Variants in CELF4 observed in about 807,000 individuals in gnomAD.
The protein encoded by CELF4 is CUG-BP- and ETR-3-like factor 4.
CELF4 carries 18 observed loss-of-function variants against 59.9 expected under a neutral mutation model. The ratio of observed to expected loss-of-function variants is 0.30; its 90% CI spans 0.21 to 0.45. CELF4 has a LOEUF of 0.45. CELF4 is among the 20% of genes least tolerant of loss of function. The pLI is 1.00. For missense variants in CELF4, 456 were observed against 689.0 expected (o/e 0.66, Z 3.79); for synonymous variants, 261 against 267.1 (o/e 0.98, Z 0.22).
At chr18:37,413,623 G>GA (rs2099495454) in intron 2 of CELF4, among the ~76,000 whole-genome samples, 1 of 152,158 alleles carries the variant, frequency 6.6e-6, no homozygotes, top group Non-Finnish European at 1.5e-5. Context: ...ACCAGTTATG[G>GA]AAAAAATCTC....
In CELF4 at chr18:37,455,782, G is replaced by T. The variant is rs550144097; in HGVS notation, c.369+29743C>A. ...AATGACTGATCATATACCCGCAGCT[G>T]GGACAGGCCGAGGTTTGGGCCCCCG... is the stretch of plus-strand genomic sequence containing the variant. On this transcript the variant is annotated intron_variant, in intron 2 of 12. Transcript: ENST00000420428. Among the ~76,000 whole-genome samples the T allele has an allele frequency of 3.3e-5, 5 of 152,300 alleles. No homozygotes were observed. The South Asian group carries it at 1.0e-3, about 32-fold the overall frequency.
chr18:37,483,295 C>A (rs1283880531), intron 2 of CELF4, among the ~76,000 whole-genome samples: 7 of 152,190 alleles, frequency 4.6e-5, no homozygotes, highest in African/African-American at 7.2e-5. Flanking sequence ...TGTCTGCATG[C>A]AGGTTTGTGT....
At chr18:37,331,491 G>C (rs117159677) in intron 2 of CELF4, among the ~76,000 whole-genome samples, 1 of 152,146 alleles carries the variant, frequency 6.6e-6, no homozygotes, top group East Asian at 1.9e-4. Flanking sequence ...ATGATATGGC[G>C]GGGATTCAGG....
chr18:37,538,973 C>T (rs754098028), intron 1 of CELF4, among the ~76,000 whole-genome samples: 6 of 152,164 alleles, frequency 3.9e-5, no homozygotes, highest in Non-Finnish European at 7.3e-5. Context: ...GTGGGGACCC[C>T]TGCTGCTCCC....
intron 3 of CELF4, among the ~76,000 whole-genome samples, chr18:37,316,079 A>T (rs555632562): frequency 7.9e-5 from 12 of 152,228 alleles, no homozygotes; most frequent in Admixed American, 2.6e-4. Context: ...ACACCCATGG[A>T]GACTCCATTT....
intron 3 of CELF4, among the ~76,000 whole-genome samples, chr18:37,283,949 TATACCCCTACATAC>T (rs1557103651): frequency 2.9e-3 from 4 of 1,382 alleles, no homozygotes; most frequent in Non-Finnish European, 5.0e-3. Context: ...GCACCACGCA[TATACCCCTACATAC>T]ATAGACACAC....
chr18:37,496,060 C>T (rs1187743809), intron 1 of CELF4, among the ~76,000 whole-genome samples: 1 of 151,896 alleles, frequency 6.6e-6, no homozygotes, highest in African/African-American at 2.4e-5. Flanking sequence ...CTTATTCCCT[C>T]CTCATGTCTG....
chr18:37,408,339 G>C (rs1019545255), intron 2 of CELF4, among the ~76,000 whole-genome samples: 2 of 152,116 alleles, frequency 1.3e-5, no homozygotes, highest in African/African-American at 4.8e-5. Flanking sequence ...CTTTCTCTTA[G>C]GAAGACCCTG....
chr18:37,365,769 A>T (rs1395561284), intron 2 of CELF4, among the ~76,000 whole-genome samples: 1 of 152,080 alleles, frequency 6.6e-6, no homozygotes, highest in Non-Finnish European at 1.5e-5. Context: ...TACAGGTGTG[A>T]ACCACCGCAC....
intron 1 of CELF4, among the ~76,000 whole-genome samples, chr18:37,506,912 A>G (rs1786777): frequency 0.89 from 135,357 of 152,228 alleles, 60,575 homozygotes; most frequent in East Asian, 0.96. Flanking sequence ...CGGGAGCTGG[A>G]AGGGGGTCAG....
At chr18:37,345,181 G>A (rs374191333) in intron 2 of CELF4, among the ~76,000 whole-genome samples, 7 of 152,178 alleles carry the variant, frequency 4.6e-5, no homozygotes, top group African/African-American at 1.4e-4. Flanking sequence ...TTAAAGGATC[G>A]TTAGGTTAGG....
At chr18:37,422,594 G>C (rs1411248396) in intron 2 of CELF4, among the ~76,000 whole-genome samples, 1 of 152,204 alleles carries the variant, frequency 6.6e-6, no homozygotes, top group Non-Finnish European at 1.5e-5. Flanking sequence ...TGTGTGTTAA[G>C]CATGTGGGAG....
At chr18:37,544,643 G>A (rs545398609) in intron 1 of CELF4, among the ~76,000 whole-genome samples, 10 of 152,332 alleles carry the variant, frequency 6.6e-5, no homozygotes, top group South Asian at 2.1e-4. Context: ...GTGTAGCTAC[G>A]TGAGGATGAG....
chr18:37,503,482 C>T (rs2154603974), intron 1 of CELF4, among the ~76,000 whole-genome samples: 1 of 152,288 alleles, frequency 6.6e-6, no homozygotes, highest in Admixed American at 6.5e-5. Context: ...CTACTTCCTC[C>T]CTCAGAAGAG....
chr18:37,394,154 C>G (rs2099207675), intron 2 of CELF4, among the ~76,000 whole-genome samples: 1 of 152,112 alleles, frequency 6.6e-6, no homozygotes, highest in Non-Finnish European at 1.5e-5. Flanking sequence ...AGCGGGGTTC[C>G]GGCCTCCATA....
intron 2 of CELF4, among the ~76,000 whole-genome samples, chr18:37,417,331 C>T (rs1287150937): frequency 6.6e-6 from 1 of 152,180 alleles, no homozygotes. Flanking sequence ...CTTCTTCCAG[C>T]CACAGATCCT....
At chr18:37,496,375 G>T (rs577922358) in intron 1 of CELF4, among the ~76,000 whole-genome samples, 2 of 152,298 alleles carry the variant, frequency 1.3e-5, no homozygotes, top group South Asian at 4.1e-4. Flanking sequence ...AATTCAGGAG[G>T]GGAAGGTGTG....
At chr18:37,413,042 C>T (rs982435101) in intron 2 of CELF4, among the ~76,000 whole-genome samples, 16 of 152,194 alleles carry the variant, frequency 1.1e-4, no homozygotes, top group Non-Finnish European at 2.9e-5. Context: ...TATTGGCTCG[C>T]TCTTCAATCA....
chr18:37,277,715 G>A (rs2093555465), intron 3 of CELF4, among the ~76,000 whole-genome samples: 1 of 152,178 alleles, frequency 6.6e-6, no homozygotes, highest in South Asian at 2.1e-4. Flanking sequence ...TCCTTCTTTT[G>A]TGGAGTAATT....
Sources: allele counts gnomAD v4.1 joint callset (sites outside exome capture counted in the v4.1 genomes callset), GRCh38; gene constraint gnomAD v4.1.1; transcripts MANE v1.5; gene names NCBI Gene and HGNC (gene_info 2026-07-23, HGNC 2026-07-21).